The following GALNTL6 variants were observed in gnomAD, a reference collection of about 807,000 sequenced individuals.
The protein encoded by GALNTL6 is polypeptide N-acetylgalactosaminyltransferase like 6, also known as polypeptide N-acetylgalactosaminyltransferase-like 6.
GALNTL6 carries 46 observed loss-of-function variants against 73.7 expected under a neutral mutation model. The observed-to-expected ratio is 0.62, with a 90% CI of 0.49 to 0.80. GALNTL6 has a LOEUF of 0.80. Among genes scored for constraint, GALNTL6 ranks in the 30% least tolerant of loss-of-function variants. The probability of loss-of-function intolerance (pLI) is 0.00; values close to 1 mark genes in which losing one functional copy is unlikely to be tolerated. For synonymous variants in GALNTL6, 259 were observed against 263.7 expected (o/e 0.98, Z 0.17); for missense variants, 604 against 755.0 (o/e 0.80, Z 2.34).
chr4:172,297,893 T>G (rs1162342524), intron 3 of GALNTL6, among the ~76,000 whole-genome samples: 23 of 152,126 alleles, frequency 1.5e-4, no homozygotes. Context: ...GTGAAGAAAG[T>G]CATTGGTAGC....
At chr4:173,012,479 C>A (rs1006843106) in intron 11 of GALNTL6, among the ~76,000 whole-genome samples, 1 of 152,196 alleles carries the variant, frequency 6.6e-6, no homozygotes, top group Non-Finnish European at 1.5e-5. Flanking sequence ...ACCACTGATC[C>A]AATCTTTGAA....
intron 5 of GALNTL6, among the ~76,000 whole-genome samples, chr4:172,625,762 A>T (rs1034149283): frequency 6.6e-6 from 1 of 151,960 alleles, no homozygotes; most frequent in Non-Finnish European, 1.5e-5. Context: ...ATTTACAATT[A>T]TCTTATGATT....
intron 5 of GALNTL6, among the ~76,000 whole-genome samples, chr4:172,572,127 T>A (rs1008711396): frequency 6.6e-6 from 1 of 152,204 alleles, no homozygotes; most frequent in Non-Finnish European, 1.5e-5. Flanking sequence ...CACCTAATGC[T>A]GTTCTCTGCA....
intron 5 of GALNTL6, among the ~76,000 whole-genome samples, chr4:172,424,204 A>AT (rs1234098405): frequency 6.6e-6 from 1 of 152,180 alleles, no homozygotes; most frequent in Non-Finnish European, 1.5e-5. Flanking sequence ...TAACTTGTAA[A>AT]TTTTTTGATT....
intron 5 of GALNTL6, among the ~76,000 whole-genome samples, chr4:172,451,176 C>T (rs565582825): frequency 4.1e-4 from 62 of 152,128 alleles, no homozygotes; most frequent in Non-Finnish European, 8.1e-4. Flanking sequence ...GTAATTTAGC[C>T]AACACTGTAT....
At chr4:172,430,452 C>T (rs1731402774) in intron 5 of GALNTL6, among the ~76,000 whole-genome samples, 1 of 152,042 alleles carries the variant, frequency 6.6e-6, no homozygotes, top group Non-Finnish European at 1.5e-5. Context: ...CAGAGCGTTT[C>T]AGTAGTGATA....
At chr4:172,769,880 A>C (rs1168897980) in intron 5 of GALNTL6, among the ~76,000 whole-genome samples, 1 of 152,236 alleles carries the variant, frequency 6.6e-6, no homozygotes, top group African/African-American at 2.4e-5. Flanking sequence ...TTTCTCTTAC[A>C]GTGTAACTGC....
chr4:172,884,082 G>A (rs982811033), intron 8 of GALNTL6, among the ~76,000 whole-genome samples: 3 of 152,144 alleles, frequency 2.0e-5, no homozygotes, highest in African/African-American at 7.2e-5. Context: ...CAAAAAAATG[G>A]GAATGCAGAT....
intron 5 of GALNTL6, among the ~76,000 whole-genome samples, chr4:172,473,241 C>A (rs562001427): frequency 4.0e-4 from 61 of 152,262 alleles, no homozygotes; most frequent in Middle Eastern, 3.4e-3. Context: ...CCTTCTACAT[C>A]ATTTGCCTAC....
intron 3 of GALNTL6, among the ~76,000 whole-genome samples, chr4:172,271,979 G>C (rs1738673067): frequency 6.6e-6 from 1 of 151,658 alleles, no homozygotes; most frequent in Non-Finnish European, 1.5e-5. Context: ...ATGAGATGGA[G>C]TCTCACTCTA....
intron 2 of GALNTL6, among the ~76,000 whole-genome samples, chr4:171,830,162 A>C (rs1734928767): frequency 6.6e-6 from 1 of 152,110 alleles, no homozygotes; most frequent in South Asian, 2.1e-4. Context: ...AAGAAATGCC[A>C]ACAACCACCA....
chr4:171,963,770 T>G (rs546921152), intron 2 of GALNTL6, among the ~76,000 whole-genome samples: 9 of 151,672 alleles, frequency 5.9e-5, no homozygotes, highest in Middle Eastern at 3.4e-3. Context: ...AATACAACAG[T>G]ATTGCTATAC....
At chr4:172,951,668 G>A (rs1163218083) in intron 9 of GALNTL6, among the ~76,000 whole-genome samples, 1 of 152,040 alleles carries the variant, frequency 6.6e-6, no homozygotes, top group Non-Finnish European at 1.5e-5. Context: ...TGCCTGAGAG[G>A]AATGTCATTC....
chr4:171,938,921 A>G (rs1738435137), intron 2 of GALNTL6, among the ~76,000 whole-genome samples: 2 of 152,126 alleles, frequency 1.3e-5, no homozygotes, highest in South Asian at 4.1e-4. Flanking sequence ...AAGGTTTCAC[A>G]TCTTGGTTTT....
chr4:172,364,811 A>G (rs1742497151), intron 5 of GALNTL6, among the ~76,000 whole-genome samples: 1 of 152,184 alleles, frequency 6.6e-6, no homozygotes, highest in Non-Finnish European at 1.5e-5. Flanking sequence ...AGTAAGACAG[A>G]TTTGCTAGGT....
intron 5 of GALNTL6, among the ~76,000 whole-genome samples, chr4:172,722,738 A>G (rs1365366712): frequency 2.0e-5 from 3 of 152,224 alleles, no homozygotes; most frequent in African/African-American, 7.2e-5. Flanking sequence ...GTATGCCTTG[A>G]ACAAATCTTT....
chr4:172,762,041 T>C (rs573906356), intron 5 of GALNTL6, among the ~76,000 whole-genome samples: 33 of 152,296 alleles, frequency 2.2e-4, no homozygotes, highest in African/African-American at 7.5e-4. Flanking sequence ...AAAGAATGGG[T>C]AAATGTTTAC....
chr4:172,125,569 C>T (rs1322025388), intron 2 of GALNTL6, among the ~76,000 whole-genome samples: 2 of 152,154 alleles, frequency 1.3e-5, no homozygotes, highest in Admixed American at 6.5e-5. Context: ...CCTGATCACA[C>T]ACAAATTTCC....
chr4:172,187,238 T>G (rs923861510), intron 2 of GALNTL6, among the ~76,000 whole-genome samples: 1 of 152,092 alleles, frequency 6.6e-6, no homozygotes, highest in Non-Finnish European at 1.5e-5. Flanking sequence ...AAATCCAGTG[T>G]GGAACATAAG....
Sources: allele counts gnomAD v4.1 joint callset (sites outside exome capture counted in the v4.1 genomes callset), GRCh38; gene constraint gnomAD v4.1.1; transcripts MANE v1.5; gene names NCBI Gene and HGNC (gene_info 2026-07-23, HGNC 2026-07-21).